Variants in MPV17 observed in about 807,000 individuals in gnomAD.
MPV17 encodes MPV17, mitochondrial inner membrane protein.
Under a neutral mutation model 28.6 loss-of-function variants are expected in MPV17, and 31 were observed. The observed-to-expected ratio is 1.08, with a 90% CI of 0.81 to 1.46. The LOEUF (loss-of-function observed/expected upper bound fraction) is 1.46, where lower values mean the gene tolerates loss of function less well. MPV17 is among the 40% of genes most tolerant of loss of function. The pLI is 0.00. For missense variants in MPV17, 198 were observed against 216.2 expected (o/e 0.92, Z 0.53); for synonymous variants, 87 against 85.3 (o/e 1.02, Z -0.11).
At chr2:27,310,803 G>A (rs1182845268) in intron 7 of MPV17, among the ~76,000 whole-genome samples, 4 of 151,958 alleles carry the variant, frequency 2.6e-5, no homozygotes, top group Non-Finnish European at 5.9e-5. Flanking sequence ...GGAGTGCGGT[G>A]GCAAGATCTT....
rs770268375 is a variant in MPV17, at chr2:27,317,200, A to G, written c.71-4091T>C. 6 of 1,550,284 alleles carry G rather than the reference A, an allele frequency of 3.9e-6. 1 individual carries two copies. In the South Asian group the frequency reaches 7.1e-5, roughly 18 times the overall value. The stretch of plus-strand genomic sequence containing the variant: ...TGGGTCGGCAGGTATAGCTACTGGC[A>G]TGGGGCCAGCAGTGCTGCCTTCCTC... On this transcript the variant is annotated intron_variant, in intron 2 of 7. Transcript: ENST00000380044. The surrounding 1 kb of genome is among the most constrained non-coding windows in gnomAD (Gnocchi z 4.0).
In MPV17 at chr2:27,317,248, T is replaced by C. The variant is rs1411141242; in HGVS notation, c.71-4139A>G. 6.5e-7 allele frequency: 1 copy of C among 1,537,284 alleles called. No homozygotes were observed. The highest frequency in any genetic ancestry group is 8.8e-7 in the Non-Finnish European group (1 of 1,140,372). On this transcript the variant is annotated intron_variant, in intron 2 of 7. Coordinates refer to ENST00000380044, the MANE Select transcript of MPV17 (RefSeq NM_002437.5). This position sits in a 1 kb window ranked among gnomAD's most constrained non-coding sequence, Gnocchi z 4.0. ...CTCCCCAGAAGTCTGCAAACATTAG[T>C]TAGCTGCCTAGGATAGGGGCTCAGT...
chr2:27,317,237 G>A lies in MPV17; in HGVS notation c.71-4128C>T. ...GTGCTGCCTTCCTCCCCAGAAGTCT[G>A]CAAACATTAGTTAGCTGCCTAGGAT... is the stretch of plus-strand genomic sequence containing the variant. On this transcript the variant is annotated intron_variant, in intron 2 of 7. Coordinates refer to ENST00000380044, the MANE Select transcript of MPV17 (RefSeq NM_002437.5). The surrounding 1 kb of genome is among the most constrained non-coding windows in gnomAD (Gnocchi z 4.0). 6.5e-7 allele frequency: 1 copy of A among 1,541,508 alleles called. No homozygotes were observed. The highest frequency in any genetic ancestry group is 8.8e-7 in the Non-Finnish European group (1 of 1,142,600).
At chr2:27,311,789 T>G in intron 7 of MPV17, 110 bp downstream of exon 7, 2 of 1,564,138 alleles carry the variant, frequency 1.3e-6, no homozygotes, top group African/African-American at 1.3e-5. Flanking sequence ...CACGGCTCAG[T>G]GTTCCGTTTG....
rs933712996 is a variant in MPV17, at chr2:27,317,594, G to C, written c.71-4485C>G. Among the ~76,000 whole-genome samples the C allele has an allele frequency of 6.6e-6, 1 of 152,164 alleles. No individual in the cohort carries two copies. The highest frequency in any genetic ancestry group is 1.5e-5 in the Non-Finnish European group (1 of 68,026). ...TCCTGCCTCAGTTTCCTTCTCTGCA[G>C]TCTCCTGGGCTGGACAGGATTGTAT... On this transcript the variant is annotated intron_variant, in intron 2 of 7. Transcript: ENST00000380044. This position sits in a 1 kb window ranked among gnomAD's most constrained non-coding sequence, Gnocchi z 4.0.
intron 2 of MPV17, among the ~76,000 whole-genome samples, chr2:27,320,464 G>A (rs1194883335): frequency 6.6e-6 from 1 of 151,622 alleles, no homozygotes; most frequent in Admixed American, 6.6e-5. Context: ...AGCCTCCCAA[G>A]TAGCTGGGAT....
intron 5 of MPV17, 73 bp from the exon 6 acceptor site, chr2:27,312,319 C>T (rs1351527068): frequency 2.3e-5 from 35 of 1,540,864 alleles, no homozygotes; most frequent in South Asian, 4.5e-5. Flanking sequence ...ATGAATGTCA[C>T]ACACAGACTT....
Position 27,312,768 on chromosome 2 carries a change from G to C in MPV17, c.191C>G (p.Pro64Arg), listed in dbSNP as rs375401970. Reference sequence around the variant, plus strand: ...AACCTTGTACCAGCCTCCTACCACAGGGCCCTGGAAGTAAACCCCAGATAG... The same window carrying C: ...AACCTTGTACCAGCCTCCTACCACACGGCCCTGGAAGTAAACCCCAGATAG... ...MVSLGCGFVG[P>R]VVGGWYKVLD... The change falls in exon 4 of 8, where the codon CCT becomes CGT. Residue 64 changes from proline (P) to arginine (R), a missense_variant. Pro to Arg is a moderately radical substitution (Grantham distance 103, BLOSUM62 -2). Coordinates refer to ENST00000380044, the MANE Select transcript of MPV17 (RefSeq NM_002437.5). 9.6e-5 allele frequency: 155 copies of C among 1,613,918 alleles called. No homozygotes were observed. Among genetic ancestry groups the C allele is most frequent in the Non-Finnish European group, 1.3e-4 (148 of 1,180,048 alleles).
rs1267967719 is a variant in MPV17 at position 27,317,655 on chromosome 2, T to G, written c.71-4546A>C. On this transcript the variant is annotated intron_variant, in intron 2 of 7. Transcript: ENST00000380044. The surrounding 1 kb of genome is among the most constrained non-coding windows in gnomAD (Gnocchi z 4.0). ...TTGAGCTCTCATACCCTGGCTTAAT[T>G]CAGACTCCAGGGAAACCAGTATTTG... 6.6e-6 allele frequency among the ~76,000 whole-genome samples: 1 copy of G among 152,178 alleles called. No homozygotes were observed. Among genetic ancestry groups the G allele is most frequent in the Non-Finnish European group, 1.5e-5 (1 of 68,038 alleles).
chr2:27,310,062 A>C, intron 7 of MPV17, 81 bp from the exon 8 acceptor site: 1 of 1,070,742 alleles, frequency 9.3e-7, no homozygotes, highest in Non-Finnish European at 1.4e-6. Flanking sequence ...TGAAATGGCA[A>C]AGGAGGGATC....
At chr2:27,321,080 T>C (rs1030818535) in intron 2 of MPV17, among the ~76,000 whole-genome samples, 1 of 152,214 alleles carries the variant, frequency 6.6e-6, no homozygotes, top group African/African-American at 2.4e-5. Flanking sequence ...CTTGGAGCTC[T>C]AGCTCCTGCC....
intron 2 of MPV17, chr2:27,316,138 C>T (rs1440512291): frequency 3.2e-6 from 5 of 1,551,066 alleles, no homozygotes; most frequent in East Asian, 2.4e-5. Flanking sequence ...CCCCAAATTC[C>T]ATCATTCTGC....
intron 2 of MPV17, among the ~76,000 whole-genome samples, chr2:27,313,902 G>A (rs768478782): frequency 1.3e-5 from 2 of 152,038 alleles, no homozygotes; most frequent in Non-Finnish European, 2.9e-5. Context: ...AGTAGAGATG[G>A]GGTTTTGCCA....
chr2:27,315,278 G>T (rs1679607618), intron 2 of MPV17, among the ~76,000 whole-genome samples: 1 of 152,232 alleles, frequency 6.6e-6, no homozygotes, highest in African/African-American at 2.4e-5. Context: ...CGGGTAGAAG[G>T]TGTGAGGACG....
chr2:27,321,125 T>A lies in MPV17; in HGVS notation c.70+1323A>T, dbSNP rs889385311. Among the ~76,000 whole-genome samples, 9 of 152,120 alleles carry A rather than the reference T, an allele frequency of 5.9e-5. No homozygotes were observed. The South Asian group carries it at 6.2e-4, about 11-fold the overall frequency. ...TGCAGATGCCTCAGGTAGGGAAATATAAGGACTCTTTCCCTCCCTATTCTT... is the reference window on the plus strand; with the variant it reads ...TGCAGATGCCTCAGGTAGGGAAATAAAAGGACTCTTTCCCTCCCTATTCTT... On this transcript the variant is annotated intron_variant, in intron 2 of 7. Transcript: ENST00000380044.
chr2:27,321,431 G>A (rs1442715700), intron 2 of MPV17, among the ~76,000 whole-genome samples: 1 of 152,194 alleles, frequency 6.6e-6, no homozygotes, highest in East Asian at 1.9e-4. Flanking sequence ...GGCTGTTCTG[G>A]TCACAGGATC....
At chr2:27,316,308 G>A (rs1679648847) in intron 2 of MPV17, 6 of 1,187,624 alleles carry the variant, frequency 5.1e-6, no homozygotes, top group Admixed American at 4.3e-5. Context: ...CCATAGTTCT[G>A]GAAGCCTGCA....
At chr2:27,321,276 G>A (rs1045434966) in intron 2 of MPV17, among the ~76,000 whole-genome samples, 3 of 152,216 alleles carry the variant, frequency 2.0e-5, no homozygotes, top group Admixed American at 2.0e-4. Context: ...CACCACACAC[G>A]TAGCCAGGTG....
chr2:27,313,396 G>A (rs1052115278), intron 2 of MPV17: 1 of 624,024 alleles, frequency 1.6e-6, no homozygotes, highest in Non-Finnish European at 2.8e-6. Context: ...ATAGAGAGAG[G>A]AAGGAGAATT....
Sources: gnomAD v4.1 joint callset for allele counts (sites outside exome capture counted in the v4.1 genomes callset) on GRCh38, gnomAD v4.1.1 for gene constraint, Gnocchi (gnomAD v3.1) non-coding constraint, MANE v1.5 for transcripts, NCBI Gene and HGNC (gene_info 2026-07-23, HGNC 2026-07-21) for gene names.